The following SMAGP variants were observed in gnomAD, a reference collection of about 807,000 sequenced individuals.
The protein encoded by SMAGP is small cell transmembrane and glycosylated protein.
In SMAGP, 7 loss-of-function variants were observed where a neutral mutation model predicts 10.1. The observed-to-expected ratio is 0.70, with a 90% CI of 0.40 to 1.31. The LOEUF (loss-of-function observed/expected upper bound fraction) is 1.31. Among genes scored for constraint, SMAGP ranks in the 50% most tolerant of loss-of-function variants. SMAGP has a pLI of 0.01. For missense variants in SMAGP, 113 were observed against 116.5 expected (o/e 0.97, Z 0.14); for synonymous variants, 49 against 47.2 (o/e 1.04, Z -0.16).
chr12:51,256,088 C>T (rs778373114), intron 2 of SMAGP, among the ~76,000 whole-genome samples: 4 of 152,128 alleles, frequency 2.6e-5, no homozygotes, highest in Admixed American at 6.6e-5. Flanking sequence ...CTAATTTCCA[C>T]GACAGCATTG....
intron 2 of SMAGP, 89 bp from the exon 3 acceptor site, chr12:51,246,920 C>G: frequency 1.2e-6 from 1 of 860,324 alleles, no homozygotes; most frequent in Non-Finnish European, 1.7e-6. Context: ...ACCACCCCAC[C>G]TTCTTCCCTA....
At chr12:51,249,967 T>C (rs764626312) in intron 2 of SMAGP, among the ~76,000 whole-genome samples, 2 of 152,116 alleles carry the variant, frequency 1.3e-5, no homozygotes, top group Non-Finnish European at 2.9e-5. Context: ...ACAGGAACTA[T>C]ATTAACCAAC....
chr12:51,260,929 A>G (rs533940609), intron 2 of SMAGP, among the ~76,000 whole-genome samples: 1 of 150,360 alleles, frequency 6.7e-6, no homozygotes, highest in East Asian at 2.0e-4. Flanking sequence ...TTCGTGATCC[A>G]CCCGCCTCAG....
rs1208144401 is a variant in SMAGP, at chr12:51,245,808, C to T, written c.*133G>A. The T allele has an allele frequency of 1.9e-5, 20 of 1,037,446 alleles. No homozygotes were observed. The highest frequency in any genetic ancestry group is 3.2e-4 in the Middle Eastern group (1 of 3,078). The allele number at this position is 1,037,446 out of a possible 1,614,324, so 64.3% of individuals were successfully genotyped here. A position where few individuals can be genotyped will look rare whatever the true frequency, so the allele number is the denominator to read the frequency against. ...TCAGTGATGTCGGCATTTGGGACTG[C>T]GACCTGGCTGGAGCTTGGATTTGCC... is the stretch of plus-strand genomic sequence containing the variant. On this transcript the variant is annotated 3_prime_UTR_variant, in exon 4 of 4. Transcript: ENST00000603798.
intron 2 of SMAGP, among the ~76,000 whole-genome samples, chr12:51,248,434 A>ACACACTCTCACTCTCTCTCTCTCTCT (rs1188710796): frequency 7.7e-5 from 6 of 77,564 alleles, no homozygotes; most frequent in African/African-American, 3.0e-4. Context: ...ACACACACAC[A>ACACACTCTCACTCTCTCTCTCTCTCT]CTCTCTCTCT....
At chr12:51,260,385 G>A (rs1165925491) in intron 2 of SMAGP, among the ~76,000 whole-genome samples, 1 of 151,304 alleles carries the variant, frequency 6.6e-6, no homozygotes, top group Admixed American at 6.6e-5. Context: ...TGTTGTTGTT[G>A]TTGTTTTTTG....
At chr12:51,262,841 C>T (rs1944941984) in intron 2 of SMAGP, among the ~76,000 whole-genome samples, 2 of 152,202 alleles carry the variant, frequency 1.3e-5, no homozygotes, top group Admixed American at 1.3e-4. Flanking sequence ...CCACCTAAGT[C>T]TGCCAGCCTA....
At chr12:51,250,511 GTTTT>G (rs111568799) in intron 2 of SMAGP, among the ~76,000 whole-genome samples, 1 of 145,212 alleles carries the variant, frequency 6.9e-6, no homozygotes, top group South Asian at 2.2e-4. Context: ...TTTTTTTTTT[GTTTT>G]TTTTTTGTTG....
chr12:51,262,000 G>A (rs1409904424), intron 2 of SMAGP, among the ~76,000 whole-genome samples: 1 of 151,964 alleles, frequency 6.6e-6, no homozygotes, highest in Non-Finnish European at 1.5e-5. Context: ...CACTTTTGGA[G>A]GCTGAGGTGG....
In SMAGP at chr12:51,256,629, A is replaced by C. The variant is rs1364923748; in HGVS notation, c.35-9798T>G. Among the ~76,000 whole-genome samples the C allele has an allele frequency of 1.1e-4, 16 of 152,218 alleles. 1 individual carries two copies. Among genetic ancestry groups the C allele is most frequent in the African/African-American group, 3.9e-4 (16 of 41,542 alleles). ...CAGCTACTCGGGAGGCTGAGGCAGGAGAATCGCTTGAACCCAGGAGGCGGA... is the reference window on the plus strand; with the variant it reads ...CAGCTACTCGGGAGGCTGAGGCAGGCGAATCGCTTGAACCCAGGAGGCGGA... On this transcript the variant is annotated intron_variant, in intron 2 of 3. Transcript: ENST00000603798.
intron 2 of SMAGP, among the ~76,000 whole-genome samples, chr12:51,260,679 ATTTTTTT>A (rs1162152346): frequency 2.6e-5 from 2 of 78,398 alleles, no homozygotes; most frequent in Admixed American, 1.8e-4. Flanking sequence ...CGCCCGGCCA[ATTTTTTT>A]TTTTTTTTTT....
rs59561227 is a variant in SMAGP, at chr12:51,246,604, C to CTGTGTGTGTGTG, written c.115+135_115+146dup. ...ACAGAAGCCTCCGAGTCTTTTATGG[C>CTGTGTGTGTGTG]TGTGTGTGTGTGTGTGTGTGTGTGT... On this transcript the variant is annotated intron_variant, in intron 3 of 3. Transcript: ENST00000603798. 2,385 of 338,030 alleles carry CTGTGTGTGTGTG rather than the reference C, an allele frequency of 7.1e-3. 42 individuals are homozygous for CTGTGTGTGTGTG. Among genetic ancestry groups the CTGTGTGTGTGTG allele is most frequent in the Admixed American group, 0.023 (457 of 19,650 alleles). 20.9% of individuals were successfully genotyped at this position (338,030 alleles called of 1,614,324 possible).
chr12:51,265,952 G>A (rs890585999), intron 2 of SMAGP, among the ~76,000 whole-genome samples: 3 of 152,078 alleles, frequency 2.0e-5, no homozygotes, highest in African/African-American at 7.2e-5. Flanking sequence ...CGTGGTGGTG[G>A]GCGCCTGTAG....
At chr12:51,265,596 T>C (rs974592563) in intron 2 of SMAGP, among the ~76,000 whole-genome samples, 2 of 152,312 alleles carry the variant, frequency 1.3e-5, no homozygotes, top group South Asian at 2.1e-4. Context: ...TTATGCTAAG[T>C]GAAGTTAGCC....
At chr12:51,246,714 C>G (rs1944777634) in intron 3 of SMAGP, 37 bp downstream of exon 3, 1 of 1,479,564 alleles carries the variant, frequency 6.8e-7, no homozygotes, top group Non-Finnish European at 9.0e-7. Context: ...TGCCCTTGAT[C>G]CAGAAGGTCC....
chr12:51,258,899 C>A (rs1944908645), intron 2 of SMAGP, among the ~76,000 whole-genome samples: 1 of 136,122 alleles, frequency 7.3e-6, no homozygotes, highest in East Asian at 2.3e-4. Context: ...GTAATCCCAA[C>A]AATTTGGGAG....
chr12:51,262,384 G>A (rs1944939339), intron 2 of SMAGP, among the ~76,000 whole-genome samples: 1 of 152,182 alleles, frequency 6.6e-6, no homozygotes, highest in African/African-American at 2.4e-5. Context: ...GGAGGCTGAG[G>A]TGGGAGGATC....
chr12:51,263,637 T>C (rs1016965198), intron 2 of SMAGP, among the ~76,000 whole-genome samples: 1 of 152,162 alleles, frequency 6.6e-6, no homozygotes, highest in East Asian at 1.9e-4. Flanking sequence ...AAGTGTCTAA[T>C]ACAGGGTGAG....
At chr12:51,260,747 G>A (rs1381091571) in intron 2 of SMAGP, among the ~76,000 whole-genome samples, 7 of 123,012 alleles carry the variant, frequency 5.7e-5, no homozygotes, top group South Asian at 2.7e-4. Context: ...GTGCAGCGGC[G>A]TGATCTCGGC....
Sources: allele counts gnomAD v4.1 joint callset (sites outside exome capture counted in the v4.1 genomes callset), GRCh38; gene constraint gnomAD v4.1.1; transcripts MANE v1.5; gene names NCBI Gene and HGNC (gene_info 2026-07-23, HGNC 2026-07-21).